Variants in ASIC2 observed in about 807,000 individuals in gnomAD.
ASIC2 encodes acid sensing ion channel subunit 2, also known as acid-sensing ion channel 2.
Under a neutral mutation model 57.3 loss-of-function variants are expected in ASIC2, and 25 were observed. That is an observed-to-expected ratio of 0.44 (90% CI 0.32 to 0.61). ASIC2 has a LOEUF of 0.61. ASIC2 is among the 20% of genes least tolerant of loss of function. The pLI, the probability that ASIC2 is intolerant of heterozygous loss-of-function variation, is 0.06. For synonymous variants in ASIC2, 319 were observed against 307.5 expected (o/e 1.04, Z -0.39); for missense variants, 641 against 738.1 (o/e 0.87, Z 1.52).
At chr17:33,301,156 A>G (rs868639074) in intron 1 of ASIC2, among the ~76,000 whole-genome samples, 1 of 151,370 alleles carries the variant, frequency 6.6e-6, no homozygotes, top group African/African-American at 2.4e-5. Context: ...CAGCCTCCCA[A>G]GTAGCTGGGA....
intron 1 of ASIC2, among the ~76,000 whole-genome samples, chr17:33,158,842 G>A (rs73277852): frequency 0.021 from 3,155 of 152,284 alleles, 82 homozygotes; most frequent in African/African-American, 0.063. Context: ...TTCAATAAAG[G>A]TCAACTCTTG....
At chr17:34,096,135 C>T (rs533981096) in intron 1 of ASIC2, among the ~76,000 whole-genome samples, 1 of 152,228 alleles carries the variant, frequency 6.6e-6, no homozygotes, top group East Asian at 1.9e-4. Flanking sequence ...GGCATAGTAC[C>T]AGGCACTGTA....
chr17:34,129,246 C>T (rs1022884889), intron 1 of ASIC2, among the ~76,000 whole-genome samples: 10 of 152,184 alleles, frequency 6.6e-5, no homozygotes, highest in African/African-American at 2.2e-4. Flanking sequence ...GATCACCCCA[C>T]GTACAGGTGT....
chr17:33,524,692 T>C (rs919046876), intron 1 of ASIC2, among the ~76,000 whole-genome samples: 1 of 152,072 alleles, frequency 6.6e-6, no homozygotes, highest in African/African-American at 2.4e-5. Flanking sequence ...GGTCCCCAGT[T>C]TGAGTCCCTC....
In ASIC2 at chr17:34,156,422, C is replaced by T; in HGVS notation, c.111G>A (p.Pro37=). 1.9e-6 allele frequency: 3 copies of T among 1,614,170 alleles called. No individual in the cohort carries two copies. The highest frequency in any genetic ancestry group is 2.2e-5 in the South Asian group (2 of 91,086). Residue 37 remains proline, a synonymous_variant, in exon 1 of 10, where the codon CCG becomes CCA. Coordinates refer to the ASIC2 transcript ENST00000359872. This position sits in a 1 kb window ranked among gnomAD's most constrained non-coding sequence, Gnocchi z 4.4. Reference sequence around the variant, plus strand: ...CCCACAGCACACGCCGGATGGTCAGCGGCCCATACACGAAGATGTGGCGGA... The same window carrying T: ...CCCACAGCACACGCCGGATGGTCAGTGGCCCATACACGAAGATGTGGCGGA...
rs533103934 is a variant in ASIC2 at position 33,362,686 on chromosome 17, C to T, written c.556-250619G>A. 3.7e-4 allele frequency among the ~76,000 whole-genome samples: 56 copies of T among 152,380 alleles called. 1 individual carries two copies. In the South Asian group the frequency reaches 0.011, roughly 31 times the overall value. ...AGCCCTTACTCCTGCATTGTCTCCA[C>T]TGACCCTTGTGCCTCTCCAGGGCAG... is the stretch of plus-strand genomic sequence containing the variant. On this transcript the variant is annotated intron_variant, in intron 1 of 9. Transcript: ENST00000359872.
intron 1 of ASIC2, among the ~76,000 whole-genome samples, chr17:33,398,259 A>AT (rs36125265): frequency 0.39 from 59,508 of 152,108 alleles, 12,456 homozygotes; most frequent in East Asian, 0.7. Context: ...TATCTCCAGC[A>AT]TTTAGAATGG....
intron 1 of ASIC2, among the ~76,000 whole-genome samples, chr17:33,214,171 C>G (rs1057190431): frequency 3.9e-4 from 59 of 152,230 alleles, no homozygotes; most frequent in Non-Finnish European, 1.3e-4. Context: ...TGGCTCCCAT[C>G]TGAGGCCTCT....
At chr17:33,204,365 G>A (rs1391281752) in intron 1 of ASIC2, among the ~76,000 whole-genome samples, 1 of 152,198 alleles carries the variant, frequency 6.6e-6, no homozygotes, top group African/African-American at 2.4e-5. Flanking sequence ...GGCAGAGTAT[G>A]AGGAGCCCTT....
At chr17:34,146,509 CAGG>C (rs1912422251) in intron 1 of ASIC2, among the ~76,000 whole-genome samples, 1 of 151,994 alleles carries the variant, frequency 6.6e-6, no homozygotes, top group South Asian at 2.1e-4. Context: ...AATGTGGTTT[CAGG>C]AGAAGTCCAG....
At position 33,579,348 on chromosome 17, in the gene ASIC2, A is replaced by G. The variant is rs1341984899; in HGVS notation, c.556-467281T>C. ...ATGTTGGCTCAGGGCACACTGGAAC[A>G]CGATGTGGCTTGGTATGTTTACAAA... On this transcript the variant is annotated intron_variant, in intron 1 of 9. Coordinates refer to the ASIC2 transcript ENST00000359872. 3.3e-5 allele frequency among the ~76,000 whole-genome samples: 5 copies of G among 151,812 alleles called. No individual in the cohort carries two copies. In the East Asian group the frequency reaches 7.8e-4, roughly 24 times the overall value.
chr17:33,193,927 C>G (rs1045383129), intron 1 of ASIC2, among the ~76,000 whole-genome samples: 5 of 152,154 alleles, frequency 3.3e-5, no homozygotes, highest in African/African-American at 1.2e-4. Context: ...TACTGGCCAT[C>G]TCTGGGAATA....
intron 1 of ASIC2, among the ~76,000 whole-genome samples, chr17:33,751,722 T>C (rs1490481200): frequency 1.3e-5 from 2 of 152,102 alleles, no homozygotes; most frequent in Non-Finnish European, 2.9e-5. Context: ...TTAATTCTAG[T>C]TTCCCCTGCT....
At chr17:34,109,076 A>G (rs4795864) in intron 1 of ASIC2, among the ~76,000 whole-genome samples, 75,617 of 150,424 alleles carry the variant, frequency 0.5, 22,147 homozygotes, top group Non-Finnish European at 0.65. Context: ...TTATTATTAT[A>G]CTTTAAGTTT....
intron 1 of ASIC2, among the ~76,000 whole-genome samples, chr17:33,805,676 T>G (rs1406942840): frequency 1.3e-5 from 2 of 152,126 alleles, no homozygotes; most frequent in Non-Finnish European, 2.9e-5. Context: ...CCACCAAATA[T>G]GTTGGAGAAT....
At chr17:33,416,647 T>C (rs914876671) in intron 1 of ASIC2, among the ~76,000 whole-genome samples, 1 of 152,196 alleles carries the variant, frequency 6.6e-6, no homozygotes, top group Non-Finnish European at 1.5e-5. Flanking sequence ...AAGATGGCAA[T>C]GGCTTTTTAA....
chr17:33,514,690 T>C (rs1246279795), intron 1 of ASIC2, among the ~76,000 whole-genome samples: 1 of 152,208 alleles, frequency 6.6e-6, no homozygotes, highest in Non-Finnish European at 1.5e-5. Flanking sequence ...ATTTAAGGAC[T>C]TTTATGACCG....
intron 1 of ASIC2, chr17:33,623,364 A>T (rs1014497617): frequency 2.0e-5 from 3 of 151,842 alleles, no homozygotes; most frequent in African/African-American, 7.3e-5. Flanking sequence ...GGTTCAAGTG[A>T]TTCTCCTGAC....
At chr17:33,387,453 G>T (rs141287035) in intron 1 of ASIC2, among the ~76,000 whole-genome samples, 2 of 152,198 alleles carry the variant, frequency 1.3e-5, no homozygotes, top group East Asian at 3.8e-4. Context: ...ACAGAGAAAT[G>T]GTTAGGACCT....
Sources: allele counts gnomAD v4.1 joint callset (sites outside exome capture counted in the v4.1 genomes callset), GRCh38; gene constraint gnomAD v4.1.1; non-coding constraint Gnocchi (gnomAD v3.1); transcripts MANE v1.5; gene names NCBI Gene and HGNC (gene_info 2026-07-23, HGNC 2026-07-21).